RNF38: variants seen among roughly 807,000 people sequenced by gnomAD.
RNF38 encodes ring finger protein 38.
In RNF38, 15 loss-of-function variants were observed where a neutral mutation model predicts 67.2. The ratio of observed to expected loss-of-function variants is 0.22; its 90% CI spans 0.15 to 0.34. The LOEUF is 0.34. Ranked by LOEUF, RNF38 falls within the 10% of genes least tolerant of loss-of-function variation. RNF38 has a pLI of 1.00. For missense variants in RNF38, 524 were observed against 639.9 expected (o/e 0.82, Z 1.95); for synonymous variants, 220 against 218.8 (o/e 1.01, Z -0.05).
rs1347972914 is a variant in RNF38 at position 36,423,874 on chromosome 9, G to A, written n.312+739C>T. On this transcript the variant is annotated intron_variant and non_coding_transcript_variant, in intron 2 of 3. Transcript: ENST00000488058. ...TGAGGCAGGAGAATGGCGTGAACCC[G>A]GGAGACGGAGCTTGCAGTGAGCCGA... is the stretch of plus-strand genomic sequence containing the variant. 2.9e-4 allele frequency among the ~76,000 whole-genome samples: 10 copies of A among 34,666 alleles called. 1 individual carries two copies. Among genetic ancestry groups the A allele is most frequent in the Admixed American group, 1.9e-3 (9 of 4,744 alleles). The allele number at this position is 34,666 out of a possible 152,430, so 22.7% of individuals were successfully genotyped here. A position where few individuals can be genotyped will look rare whatever the true frequency, so the allele number is the denominator to read the frequency against.
At chr9:36,453,410 TCTCA>T (rs1839508119) in intron 1 of RNF38, among the ~76,000 whole-genome samples, 1 of 143,584 alleles carries the variant, frequency 7.0e-6, no homozygotes, top group African/African-American at 2.6e-5. Flanking sequence ...TGAGACGGAG[TCTCA>T]CTCTGTTACC....
At chr9:36,480,825 C>G (rs1370082910) in intron 1 of RNF38, among the ~76,000 whole-genome samples, 1 of 151,850 alleles carries the variant, frequency 6.6e-6, no homozygotes, top group Admixed American at 6.6e-5. Context: ...GCTGGGATTA[C>G]AGGGGTGAGC....
At chr9:36,435,117 G>A (rs765228654) in intron 1 of RNF38, among the ~76,000 whole-genome samples, 25 of 152,146 alleles carry the variant, frequency 1.6e-4, no homozygotes, top group Non-Finnish European at 3.2e-4. Context: ...GGGGACTGGC[G>A]GAGGTACAGA....
At chr9:36,344,753 T>C (rs1833096316) in intron 10 of RNF38, 79 bp downstream of exon 10, 5 of 1,413,452 alleles carry the variant, frequency 3.5e-6, no homozygotes, top group Non-Finnish European at 4.9e-6. Flanking sequence ...TCCCAACTTT[T>C]ACCTTAATGA....
At chr9:36,462,161 G>A (rs77589953) in intron 1 of RNF38, among the ~76,000 whole-genome samples, 1 of 152,098 alleles carries the variant, frequency 6.6e-6, no homozygotes, top group Non-Finnish European at 1.5e-5. Context: ...CACTGGTTTG[G>A]CAACCCACCA....
intron 2 of RNF38, among the ~76,000 whole-genome samples, chr9:36,418,151 C>T (rs918788629): frequency 3.3e-5 from 5 of 151,568 alleles, no homozygotes; most frequent in Non-Finnish European, 7.4e-5. Flanking sequence ...GCCTCAGCCT[C>T]CTGAGTAGCT....
At position 36,459,217 on chromosome 9, in the gene RNF38, A is replaced by T. The variant is rs367896013; in HGVS notation, n.241+28091T>A. ...GCGAGACTCTGTCTCAAAAAAAAAA[A>T]AAAAGAAAGATAAAGATTGCCCTCC... is the stretch of plus-strand genomic sequence containing the variant. On this transcript the variant is annotated intron_variant and non_coding_transcript_variant, in intron 1 of 3. Transcript: ENST00000488058. Among the ~76,000 whole-genome samples, 111 of 151,948 alleles carry T rather than the reference A, an allele frequency of 7.3e-4. 2 individuals carry two copies. The South Asian group carries it at 0.022, about 30-fold the overall frequency.
intron 9 of RNF38, among the ~76,000 whole-genome samples, chr9:36,347,743 T>C (rs1056246884): frequency 5.3e-5 from 8 of 152,182 alleles, no homozygotes; most frequent in African/African-American, 1.9e-4. Flanking sequence ...CTCTAATTGT[T>C]CAAGTGAAAG....
chr9:36,356,499 G>A (rs759516304), intron 5 of RNF38, 26 bp from the exon 6 acceptor site: 2 of 1,517,276 alleles, frequency 1.3e-6, no homozygotes, highest in Non-Finnish European at 1.8e-6. Context: ...TTACAGTTTG[G>A]TTAAAAATAT....
At chr9:36,345,579 C>T (rs547708491) in intron 9 of RNF38, among the ~76,000 whole-genome samples, 34 of 152,088 alleles carry the variant, frequency 2.2e-4, no homozygotes, top group Non-Finnish European at 4.0e-4. Flanking sequence ...CAAACTGTCC[C>T]CAGGTTGAGA....
At chr9:36,344,354 TAA>T (rs1048511923) in intron 10 of RNF38, among the ~76,000 whole-genome samples, 1 of 152,174 alleles carries the variant, frequency 6.6e-6, no homozygotes, top group Non-Finnish European at 1.5e-5. Context: ...TTATGGTATG[TAA>T]ATTATATATC....
intron 4 of RNF38, among the ~76,000 whole-genome samples, chr9:36,359,838 T>C (rs941258580): frequency 2.0e-5 from 3 of 151,522 alleles, no homozygotes; most frequent in African/African-American, 7.3e-5. Flanking sequence ...CACCACCTCC[T>C]GGTTTCAAGC....
chr9:36,357,166 A>G (rs1010271250), intron 5 of RNF38, among the ~76,000 whole-genome samples: 1 of 152,204 alleles, frequency 6.6e-6, no homozygotes, highest in Non-Finnish European at 1.5e-5. Context: ...GAGATTAAAG[A>G]TTAAAGGACA....
intron 1 of RNF38, among the ~76,000 whole-genome samples, chr9:36,392,047 G>C (rs1474517715): frequency 2.0e-5 from 3 of 152,214 alleles, no homozygotes; most frequent in Non-Finnish European, 4.4e-5. Context: ...GTGTAGTCAG[G>C]AAACTGCAAA....
intron 1 of RNF38, among the ~76,000 whole-genome samples, chr9:36,453,626 C>A (rs1839514272): frequency 6.6e-6 from 1 of 152,110 alleles, no homozygotes; most frequent in African/African-American, 2.4e-5. Context: ...CCAAGTGATC[C>A]ACTGCCTTGG....
At chr9:36,347,356 G>C (rs747354971) in intron 9 of RNF38, among the ~76,000 whole-genome samples, 1 of 151,956 alleles carries the variant, frequency 6.6e-6, no homozygotes, top group Non-Finnish European at 1.5e-5. Context: ...CCACAGATAC[G>C]ACCTTTTTAA....
At chr9:36,353,101 C>T in intron 7 of RNF38, 69 bp downstream of exon 7, 4 of 1,339,960 alleles carry the variant, frequency 3.0e-6, no homozygotes, top group Non-Finnish European at 4.3e-6. Context: ...GTGAATTATA[C>T]TAAAACATAA....
chr9:36,372,275 T>C (rs1835441862), intron 3 of RNF38, among the ~76,000 whole-genome samples: 2 of 152,154 alleles, frequency 1.3e-5, no homozygotes, highest in Admixed American at 6.6e-5. Context: ...AGCTAACATT[T>C]CTAGTTGATT....
intron 7 of RNF38, 45 bp from the exon 8 acceptor site, chr9:36,352,893 C>G: frequency 7.6e-7 from 1 of 1,316,424 alleles, no homozygotes; most frequent in Non-Finnish European, 1.1e-6. Context: ...TCTACGTTTA[C>G]AAATAGCCTG....
Sources: allele counts gnomAD v4.1 joint callset (sites outside exome capture counted in the v4.1 genomes callset), GRCh38; gene constraint gnomAD v4.1.1; transcripts MANE v1.5; gene names NCBI Gene and HGNC (gene_info 2026-07-23, HGNC 2026-07-21).